The following MPHOSPH6 variants were observed in gnomAD, a reference collection of about 807,000 sequenced individuals.
The protein encoded by MPHOSPH6 is M-phase phosphoprotein 6.
MPHOSPH6 carries 25 observed loss-of-function variants against 21.8 expected under a neutral mutation model. The ratio of observed to expected loss-of-function variants is 1.15; its 90% CI spans 0.83 to 1.60. The LOEUF (loss-of-function observed/expected upper bound fraction) is 1.60, where lower values mean the gene tolerates loss of function less well. Ranked by LOEUF, MPHOSPH6 falls within the 40% of genes most tolerant of loss-of-function variation. The pLI is 0.00. For missense variants in MPHOSPH6, 269 were observed against 181.8 expected, an observed-to-expected ratio of 1.48 and a Z score of -2.76; for synonymous variants, 84 against 56.5, an observed-to-expected ratio of 1.49 and a Z score of -2.18.
intron 1 of MPHOSPH6, among the ~76,000 whole-genome samples, chr16:82,166,739 G>A (rs1238969954): frequency 6.6e-6 from 1 of 152,156 alleles, no homozygotes; most frequent in Non-Finnish European, 1.5e-5. Context: ...AAATGCAGAT[G>A]CCTCATTTCA....
chr16:82,166,738 T>C (rs1365471316), intron 1 of MPHOSPH6, among the ~76,000 whole-genome samples: 4 of 152,222 alleles, frequency 2.6e-5, no homozygotes, highest in African/African-American at 9.6e-5. Flanking sequence ...TAAATGCAGA[T>C]GCCTCATTTC....
intron 1 of MPHOSPH6, among the ~76,000 whole-genome samples, chr16:82,168,549 C>T (rs551637614): frequency 6.6e-6 from 1 of 151,292 alleles, no homozygotes; most frequent in Admixed American, 6.6e-5. Flanking sequence ...CAGCTCACTG[C>T]AGCCTTGATC....
chr16:82,152,622 CA>C (rs1355960504), intron 2 of MPHOSPH6, among the ~76,000 whole-genome samples: 1 of 152,132 alleles, frequency 6.6e-6, no homozygotes, highest in Non-Finnish European at 1.5e-5. Flanking sequence ...GCACCAGAAC[CA>C]AAATCATGCT....
chr16:82,148,379 A>G lies in MPHOSPH6; in HGVS notation c.*352T>C, dbSNP rs1001861833. ...TTGGCTTGACATAATAAATATAAAC[A>G]TAAGGGCAATTTAAACATTGGCAGT... On this transcript the variant is annotated 3_prime_UTR_variant, in exon 5 of 5. Coordinates refer to ENST00000258169, the MANE Select transcript of MPHOSPH6 (RefSeq NM_005792.2). 21 of 171,666 alleles carry G rather than the reference A, an allele frequency of 1.2e-4. No individual in the cohort carries two copies. The highest frequency in any genetic ancestry group is 1.7e-4 in the Non-Finnish European group (14 of 81,774). 10.6% of individuals were successfully genotyped at this position (171,666 alleles called of 1,614,324 possible). A position where few individuals can be genotyped will look rare whatever the true frequency, so the allele number is the denominator to read the frequency against.
chr16:82,155,537 A>G (rs1188955449), intron 2 of MPHOSPH6, among the ~76,000 whole-genome samples: 1 of 152,204 alleles, frequency 6.6e-6, no homozygotes, highest in East Asian at 1.9e-4. Flanking sequence ...ATAAGTTTGA[A>G]AAAACTCTAT....
chr16:82,159,657 C>T (rs111840266), intron 2 of MPHOSPH6, among the ~76,000 whole-genome samples: 17,915 of 152,196 alleles, frequency 0.12, 1,296 homozygotes, highest in East Asian at 0.29. Flanking sequence ...CCGCCTGCCT[C>T]GGCCTCCCAA....
Position 82,164,159 on chromosome 16 carries a change from T to C in MPHOSPH6, c.87A>G (p.Lys29=), listed in dbSNP as rs759990049. The C allele has an allele frequency of 2.5e-6, 4 of 1,611,692 alleles. No individual in the cohort carries two copies. The highest frequency in any genetic ancestry group is 2.7e-5 in the African/African-American group (2 of 74,932). The change falls in exon 2 of 5, where the codon AAA becomes AAG. Residue 29 remains lysine (K), a synonymous_variant. Transcript: ENST00000258169. ...MQRGLDSETK[K]QLEEEEKKII... ...TTTTCTTTTCTTCTTCTTCTAGTTG[T>C]TTCTTGGTTTCTGAGTCCAGTCCCC...
At chr16:82,170,074 A>C (rs750591121) in intron 1 of MPHOSPH6, 51 bp downstream of exon 1, 14 of 1,553,514 alleles carry the variant, frequency 9.0e-6, no homozygotes, top group Non-Finnish European at 1.1e-5. Context: ...GCCAGGTTGG[A>C]AGGACCGGGT....
intron 4 of MPHOSPH6, 59 bp downstream of exon 4, chr16:82,149,250 C>A: frequency 6.5e-7 from 1 of 1,543,862 alleles, no homozygotes; most frequent in Non-Finnish European, 8.9e-7. Context: ...GAGGAGCATT[C>A]CTGGGAGAGC....
chr16:82,157,728 G>A (rs145508944), intron 2 of MPHOSPH6, among the ~76,000 whole-genome samples: 8 of 152,282 alleles, frequency 5.3e-5, no homozygotes, highest in African/African-American at 1.7e-4. Flanking sequence ...CCTCTTGTCA[G>A]GGGTGACATC....
chr16:82,164,050 A>T (rs533299329), intron 2 of MPHOSPH6, 32 bp downstream of exon 2: 1 of 1,427,618 alleles, frequency 7.0e-7, no homozygotes, highest in South Asian at 1.2e-5. Context: ...GAATGCCACA[A>T]GCATCATCAG....
intron 2 of MPHOSPH6, among the ~76,000 whole-genome samples, chr16:82,154,469 C>A (rs533258280): frequency 6.6e-6 from 1 of 151,636 alleles, no homozygotes; most frequent in Admixed American, 6.6e-5. Flanking sequence ...AAATGTAATC[C>A]CCTCATAGAA....
chr16:82,164,785 G>T (rs76681711), intron 1 of MPHOSPH6: 21,430 of 152,212 alleles, frequency 0.14, 2,212 homozygotes, highest in Admixed American at 0.34. Flanking sequence ...AGAAGCAAAG[G>T]TACATCTATA....
intron 2 of MPHOSPH6, among the ~76,000 whole-genome samples, chr16:82,154,601 TAAGA>T (rs1906371357): frequency 6.6e-6 from 1 of 151,166 alleles, no homozygotes; most frequent in Non-Finnish European, 1.5e-5. Context: ...AAGCCTGAAT[TAAGA>T]AATAGAGACT....
In MPHOSPH6 at chr16:82,148,396, A is replaced by G. The variant is rs1906149698; in HGVS notation, c.*335T>C. ...ATATAAACATAAGGGCAATTTAAAC[A>G]TTGGCAGTAGTTTATGTAAGTCAAT... is the stretch of plus-strand genomic sequence containing the variant. On this transcript the variant is annotated 3_prime_UTR_variant, in exon 5 of 5. Coordinates refer to ENST00000258169, the MANE Select transcript of MPHOSPH6 (RefSeq NM_005792.2). 1 of 186,442 alleles carries G rather than the reference A, an allele frequency of 5.4e-6. No individual in the cohort carries two copies. The highest frequency in any genetic ancestry group is 1.4e-4 in the East Asian group (1 of 7,100). 11.5% of individuals were successfully genotyped at this position (186,442 alleles called of 1,614,324 possible).
chr16:82,166,284 C>T, intron 1 of MPHOSPH6, among the ~76,000 whole-genome samples: 1 of 152,232 alleles, frequency 6.6e-6, no homozygotes, highest in East Asian at 1.9e-4. Flanking sequence ...ATCCATTTTA[C>T]CTGTGTGTAC....
At chr16:82,152,438 TACTGTAAGAAC>T (rs1468742357) in intron 2 of MPHOSPH6, among the ~76,000 whole-genome samples, 4 of 152,162 alleles carry the variant, frequency 2.6e-5, no homozygotes, top group Non-Finnish European at 4.4e-5. Flanking sequence ...AGAAGGAATT[TACTGTAAGAAC>T]ACTGTAGGCT....
chr16:82,160,216 G>C (rs1906564894), intron 2 of MPHOSPH6, among the ~76,000 whole-genome samples: 1 of 152,190 alleles, frequency 6.6e-6, no homozygotes, highest in African/African-American at 2.4e-5. Flanking sequence ...TGGCAAGCAA[G>C]TGAAATATTT....
chr16:82,169,871 A>T (rs1022763754), intron 1 of MPHOSPH6, among the ~76,000 whole-genome samples: 2 of 152,334 alleles, frequency 1.3e-5, no homozygotes, highest in East Asian at 1.9e-4. Flanking sequence ...GCACTGGGTA[A>T]GCTGTACCCT....
Sources: allele counts gnomAD v4.1 joint callset (sites outside exome capture counted in the v4.1 genomes callset), GRCh38; gene constraint gnomAD v4.1.1; transcripts MANE v1.5; gene names NCBI Gene and HGNC (gene_info 2026-07-23, HGNC 2026-07-21).